MAOB: variants seen among roughly 807,000 people sequenced by gnomAD.
MAOB encodes monoamine oxidase B.
MAOB carries 15 observed loss-of-function variants against 41.9 expected under a neutral mutation model. That is an observed-to-expected ratio of 0.36 (90% CI 0.24 to 0.55). The LOEUF (loss-of-function observed/expected upper bound fraction) is 0.55. Ranked by LOEUF, MAOB falls within the 20% of genes least tolerant of loss-of-function variation. The probability of loss-of-function intolerance (pLI) is 0.86; values close to 1 mark genes in which losing one functional copy is unlikely to be tolerated. For synonymous variants in MAOB, 167 were observed against 144.2 expected (o/e 1.16, Z -1.13); for missense variants, 345 against 398.7 (o/e 0.87, Z 1.15).
chrX:43,871,236 C>G (rs1296640848), intron 1 of MAOB, among the ~76,000 whole-genome samples: 1 of 111,461 alleles, frequency 9.0e-6, no homozygotes, highest in Non-Finnish European at 1.9e-5. Flanking sequence ...TGGCTGTGAG[C>G]CAGCAGCAGC....
intron 3 of MAOB, among the ~76,000 whole-genome samples, chrX:43,833,732 T>C (rs775976342): frequency 8.9e-6 from 1 of 112,335 alleles, no homozygotes; most frequent in Non-Finnish European, 1.9e-5. Flanking sequence ...ATAGTCACTG[T>C]TAAGTTTATC....
chrX:43,802,273 G>A lies in MAOB; in HGVS notation c.385-10C>T, dbSNP rs1389156278. 1.8e-6 allele frequency: 2 copies of A among 1,095,929 alleles called. No individual in the cohort carries two copies. The allele number at this position is 1,095,929 out of a possible 1,213,427, so 90.3% of individuals were successfully genotyped here. A position where few individuals can be genotyped will look rare whatever the true frequency, so the allele number is the denominator to read the frequency against. ...GGGCATCACTCGGAATCTACATTCAGATGAGGATTCGAAGGAGAAAGACAA... is the reference window on the plus strand; with the variant it reads ...GGGCATCACTCGGAATCTACATTCAAATGAGGATTCGAAGGAGAAAGACAA... On this transcript the variant is annotated splice_polypyrimidine_tract_variant and intron_variant, in intron 4 of 14. Transcript: ENST00000378069.
intron 8 of MAOB, among the ~76,000 whole-genome samples, chrX:43,790,062 A>G (rs903750469): frequency 9.0e-6 from 1 of 111,471 alleles, no homozygotes; most frequent in Non-Finnish European, 1.9e-5. Flanking sequence ...GCAACATAAA[A>G]CCAAAACTCT....
At chrX:43,772,538 G>C (rs2034198045) in intron 12 of MAOB, among the ~76,000 whole-genome samples, 1 of 111,970 alleles carries the variant, frequency 8.9e-6, no homozygotes, top group Non-Finnish European at 1.9e-5. Flanking sequence ...TGCAGTGATA[G>C]CTGTTCTCTG....
At chrX:43,794,083 G>A (rs1290996075) in intron 7 of MAOB, among the ~76,000 whole-genome samples, 3 of 111,616 alleles carry the variant, frequency 2.7e-5, no homozygotes, top group African/African-American at 9.8e-5. Context: ...CACCATGTTG[G>A]CCAGGGTTGT....
chrX:43,849,816 A>G lies in MAOB; in HGVS notation c.47-6052T>C, dbSNP rs186303606. On this transcript the variant is annotated intron_variant, in intron 1 of 14. Coordinates refer to ENST00000378069, the MANE Select transcript of MAOB (RefSeq NM_000898.5). ...TGACATTTGATTACTGAGTAAATAA[A>G]TAAATAAATGGCTGTAGTGATCAGT... 1.3e-3 allele frequency among the ~76,000 whole-genome samples: 147 copies of G among 113,056 alleles called. 1 individual carries two copies. Among genetic ancestry groups the G allele is most frequent in the African/African-American group, 4.6e-3 (144 of 31,136 alleles).
chrX:43,829,742 G>A (rs1231602919), intron 3 of MAOB, among the ~76,000 whole-genome samples: 2 of 112,252 alleles, frequency 1.8e-5, no homozygotes, highest in Non-Finnish European at 3.8e-5. Context: ...GTTAATTTGC[G>A]ATGTACTGTA....
chrX:43,826,480 A>T (rs1211028837), intron 3 of MAOB, among the ~76,000 whole-genome samples: 1 of 112,638 alleles, frequency 8.9e-6, no homozygotes, highest in Non-Finnish European at 1.9e-5. Context: ...GAGATGCAGC[A>T]GTGGACAAAA....
chrX:43,875,712 G>A (rs2035435364), intron 1 of MAOB, among the ~76,000 whole-genome samples: 1 of 111,122 alleles, frequency 9.0e-6, no homozygotes, highest in African/African-American at 3.3e-5. Flanking sequence ...TGATTCCAGG[G>A]TGCCCTCAAT....
intron 1 of MAOB, among the ~76,000 whole-genome samples, chrX:43,868,018 T>C (rs1473518804): frequency 8.9e-6 from 1 of 112,245 alleles, no homozygotes; most frequent in Admixed American, 9.5e-5. Context: ...CATAAACATA[T>C]ATTCAATGGA....
intron 3 of MAOB, among the ~76,000 whole-genome samples, chrX:43,821,900 T>C (rs1457825610): frequency 3.6e-5 from 4 of 112,079 alleles, no homozygotes; most frequent in Non-Finnish European, 7.5e-5. Context: ...AAATTAATAA[T>C]CCCACTTTAC....
chrX:43,825,951 C>T (rs1330001877), intron 3 of MAOB, among the ~76,000 whole-genome samples: 2 of 112,031 alleles, frequency 1.8e-5, no homozygotes, highest in African/African-American at 6.5e-5. Context: ...TTATTCTGCA[C>T]TTAGCCATAT....
chrX:43,779,842 G>T (rs2147123917), intron 10 of MAOB, among the ~76,000 whole-genome samples: 1 of 111,612 alleles, frequency 9.0e-6, no homozygotes. Flanking sequence ...TAAATAATTG[G>T]CACTGGTGAA....
intron 1 of MAOB, among the ~76,000 whole-genome samples, chrX:43,849,893 T>C (rs17146721): frequency 0.018 from 2,045 of 112,370 alleles, 41 homozygotes; most frequent in African/African-American, 0.061. Flanking sequence ...ACTTAAGACA[T>C]ACTGAAACTG....
In MAOB at chrX:43,793,545, G is replaced by C; in HGVS notation, c.802C>G (p.Leu268Val). The C allele has an allele frequency of 8.3e-7, 1 of 1,203,267 alleles. No individual in the cohort carries two copies. The highest frequency in any genetic ancestry group is 1.1e-6 in the Non-Finnish European group (1 of 890,396). Residue 268 changes from leucine to valine, a missense_variant, in exon 8 of 15, where the codon CTG becomes GTG. Leu to Val is a conservative substitution (Grantham distance 32, BLOSUM62 1). Transcript: ENST00000378069. ...GGATTGAAGTGAATCTTCATGCCCA[G>C]AGTAGGAGGAATAGCACTAATCACA... ...KYVISAIPPT[L>V]GMKIHFNPPL...
intron 13 of MAOB, 42 bp from the exon 14 acceptor site, chrX:43,768,758 C>T: frequency 9.5e-7 from 1 of 1,049,273 alleles, no homozygotes; most frequent in Non-Finnish European, 1.3e-6. Context: ...AAAGTGACAC[C>T]ATCTTTCTTC....
intron 8 of MAOB, among the ~76,000 whole-genome samples, chrX:43,789,885 C>A (rs1306298831): frequency 9.0e-6 from 1 of 111,453 alleles, no homozygotes; most frequent in Non-Finnish European, 1.9e-5. Context: ...TAAATATCTA[C>A]AATTAAAAAT....
At chrX:43,829,206 T>C (rs1044497373) in intron 3 of MAOB, among the ~76,000 whole-genome samples, 5 of 112,373 alleles carry the variant, frequency 4.4e-5, no homozygotes, top group South Asian at 3.7e-4. Flanking sequence ...GCATGAAGCA[T>C]GTGTGCTAAA....
chrX:43,835,590 G>A lies in MAOB; in HGVS notation c.279+3278C>T, dbSNP rs148065394. On this transcript the variant is annotated intron_variant, in intron 3 of 14. Coordinates refer to ENST00000378069, the MANE Select transcript of MAOB (RefSeq NM_000898.5). ...GAGCATTAAAAATGAACGCCACTCAGTAGATACAAACATGTCTGACAGATC... is the reference window on the plus strand; with the variant it reads ...GAGCATTAAAAATGAACGCCACTCAATAGATACAAACATGTCTGACAGATC... Among the ~76,000 whole-genome samples the A allele has an allele frequency of 1.5e-3, 167 of 112,185 alleles. 1 individual carries two copies. Among genetic ancestry groups the A allele is most frequent in the Non-Finnish European group, 3.6e-4 (19 of 53,236 alleles).
Sources: gnomAD v4.1 joint callset for allele counts (sites outside exome capture counted in the v4.1 genomes callset) on GRCh38, gnomAD v4.1.1 for gene constraint, MANE v1.5 for transcripts, NCBI Gene and HGNC (gene_info 2026-07-23, HGNC 2026-07-21) for gene names.